The following HELB variants were observed in gnomAD, a reference collection of about 807,000 sequenced individuals.
HELB encodes DNA 5'-3' helicase B.
Under a neutral mutation model 101.7 loss-of-function variants are expected in HELB, and 96 were observed. That is an observed-to-expected ratio of 0.94 (90% CI 0.80 to 1.12). The LOEUF is 1.12. Ranked by LOEUF, HELB falls within the 50% of genes most tolerant of loss-of-function variation. HELB has a pLI of 0.00. For missense variants in HELB, 1,210 were observed against 1,291.9 expected (o/e 0.94, Z 0.97); for synonymous variants, 437 against 459.7 (o/e 0.95, Z 0.63).
At chr12:66,315,143 T>G (rs935709978) in intron 5 of HELB, 99 bp from the exon 6 acceptor site, 45 of 791,834 alleles carry the variant, frequency 5.7e-5, no homozygotes, top group Non-Finnish European at 8.3e-5. Flanking sequence ...TGTTGTTTTT[T>G]GTAAGGTATT....
chr12:66,337,484 C>T (rs536980310), intron 12 of HELB, among the ~76,000 whole-genome samples: 2 of 152,218 alleles, frequency 1.3e-5, no homozygotes, highest in East Asian at 1.9e-4. Flanking sequence ...TTCATCATGA[C>T]GATACTGGCC....
chr12:66,328,337 A>G (rs1795527), intron 11 of HELB, among the ~76,000 whole-genome samples: 76,855 of 151,992 alleles, frequency 0.51, 19,767 homozygotes, highest in East Asian at 0.69. Context: ...TGAGGTGGGC[A>G]GGTCAATTGA....
chr12:66,318,106 A>G (rs2053630418), intron 6 of HELB, among the ~76,000 whole-genome samples: 1 of 152,232 alleles, frequency 6.6e-6, no homozygotes, highest in African/African-American at 2.4e-5. Context: ...CAGAGAAGAA[A>G]GGAGAAGAAT....
At chr12:66,339,199 T>C (rs901391916), downstream of HELB, 8 of 152,336 alleles carry the variant, frequency 5.3e-5, no homozygotes, top group African/African-American at 1.9e-4. Context: ...AATAGCTTTA[T>C]TGAGATATAA....
At chr12:66,338,655 A>T (rs888662763), downstream of HELB, 1 of 152,066 alleles carries the variant, frequency 6.6e-6, no homozygotes. Flanking sequence ...AAAAAAAACA[A>T]ACAAACAAAC....
chr12:66,310,373 C>T lies in HELB; in HGVS notation c.1445C>T (p.Thr482Ile). The change falls in exon 4 of 13, where the codon ACC becomes ATC. Residue 482 changes from threonine (T) to isoleucine (I), a missense_variant. Physicochemically the swap from Thr to Ile is moderately conservative, Grantham distance 89 (BLOSUM62 -1). Transcript: ENST00000247815. ...AGTGGGAAAGGTGGATGTGGGAAGACCACAATCGTTAGCCGTCTTTTTAAG... is the reference window on the plus strand; with the variant it reads ...AGTGGGAAAGGTGGATGTGGGAAGATCACAATCGTTAGCCGTCTTTTTAAG... ...VISGKGGCGKTTIVSRLFKHI... is the reference protein window; with the variant it reads ...VISGKGGCGKITIVSRLFKHI... 6.2e-7 allele frequency: 1 copy of T among 1,614,144 alleles called. No homozygotes were observed. The highest frequency in any genetic ancestry group is 8.5e-7 in the Non-Finnish European group (1 of 1,180,040).
rs771583547 is a variant in HELB, at chr12:66,314,081, G to C, written c.1776G>C (p.Gly592=). 2 of 1,613,844 alleles carry C rather than the reference G, an allele frequency of 1.2e-6. No homozygotes were observed. Among genetic ancestry groups the C allele is most frequent in the Non-Finnish European group, 1.7e-6 (2 of 1,179,754 alleles). The part of the protein sequence containing the change: ...SSVRVLVVDE[G]SLVSVGIFKS... ...TTAGAGTTCTGGTTGTGGATGAAGG[G>C]AGTTTGGTATCTGTAGGAATCTTCA... Residue 592 remains glycine (G), a synonymous_variant, in exon 5 of 13, where the codon GGG becomes GGC. Transcript: ENST00000247815.
In HELB at chr12:66,309,931, C is replaced by G. The variant is rs1477185875; in HGVS notation, c.1003C>G (p.Leu335Val). The G allele has an allele frequency of 1.2e-6, 2 of 1,614,106 alleles. No individual in the cohort carries two copies. The highest frequency in any genetic ancestry group is 1.7e-6 in the Non-Finnish European group (2 of 1,180,038). The change falls in exon 4 of 13, where the codon CTG (leucine) becomes GTG (valine). Residue 335 changes from leucine to valine, a missense_variant. Leu to Val is a conservative substitution (Grantham distance 32, BLOSUM62 1). This residue lies in a region of HELB where 470 missense variants were observed against 563.1 expected (regional missense o/e 0.83). Coordinates refer to ENST00000247815, the MANE Select transcript of HELB (RefSeq NM_001370285.1). ...HMSFHAASES[L>V]KFLKDIGVVT... ...GTCATTTCATGCTGCTTCAGAGTCT[C>G]TGAAGTTTTTGAAGGATATTGGTGT...
Position 66,331,587 on chromosome 12 carries a change from G to C in HELB, c.3104G>C (p.Arg1035Pro). 6.2e-7 allele frequency: 1 copy of C among 1,612,052 alleles called. No homozygotes were observed. Among genetic ancestry groups the C allele is most frequent in the Non-Finnish European group, 8.5e-7 (1 of 1,179,958 alleles). The change falls in exon 12 of 13, where the codon CGA (arginine) becomes CCA (proline). Residue 1035 changes from arginine (R) to proline (P), a missense_variant. Physicochemically the swap from Arg to Pro is moderately radical, Grantham distance 103. Coordinates refer to ENST00000247815, the MANE Select transcript of HELB (RefSeq NM_001370285.1). ...ACAGATGATGATTTACCAAAATCGC[G>C]AGCATCCAAAAGAACCTGTGGTGTG... ...VDTDDDLPKS[R>P]ASKRTCGVND...
chr12:66,323,338 A>G (rs1043720360), intron 9 of HELB, among the ~76,000 whole-genome samples: 1 of 152,090 alleles, frequency 6.6e-6, no homozygotes, highest in African/African-American at 2.4e-5. Context: ...GTAGCCCAAC[A>G]AGAGGCCAGA....
At chr12:66,315,607 G>T (rs867528324) in intron 6 of HELB, among the ~76,000 whole-genome samples, 16 of 152,230 alleles carry the variant, frequency 1.1e-4, no homozygotes, top group African/African-American at 3.4e-4. Context: ...AATGGATGAG[G>T]TTTCCTGATT....
chr12:66,332,034 G>T (rs1375885353), intron 12 of HELB, among the ~76,000 whole-genome samples: 1 of 152,198 alleles, frequency 6.6e-6, no homozygotes, highest in Non-Finnish European at 1.5e-5. Context: ...TGATTGTCAT[G>T]GTGGAGACAG....
intron 5 of HELB, among the ~76,000 whole-genome samples, 191 bp from the exon 6 acceptor site, chr12:66,315,051 G>A (rs1213290374): frequency 6.6e-6 from 1 of 151,138 alleles, no homozygotes; most frequent in Non-Finnish European, 1.5e-5. Context: ...GTTTCCCTGT[G>A]GTTATAGGTA....
rs563033278 is a variant in HELB at position 66,336,088 on chromosome 12, T to G, written c.3163-1913T>G. ...TCACATGGTAATACCTCAAAAATAC[T>G]TAGTGATCAAAATATGAGTCATGAA... On this transcript the variant is annotated intron_variant, in intron 12 of 12. Coordinates refer to ENST00000247815, the MANE Select transcript of HELB (RefSeq NM_001370285.1). 5.9e-5 allele frequency among the ~76,000 whole-genome samples: 9 copies of G among 152,348 alleles called. 1 individual carries two copies. The East Asian group carries it at 1.7e-3, about 29-fold the overall frequency.
At chr12:66,314,300 T>A in intron 5 of HELB, 137 bp downstream of exon 5, 1 of 786,254 alleles carries the variant, frequency 1.3e-6, no homozygotes, top group Non-Finnish European at 2.0e-6. Context: ...TACATGAAAT[T>A]AAATCTGACC....
Position 66,306,435 on chromosome 12 carries a change from T to C in HELB, c.698T>C (p.Ile233Thr), listed in dbSNP as rs1474945297. ...CTGCCTCGACACTTTAAATGGATCA[T>C]AGGGTCAGGTTCTAAAGAGATGTTG... ...VLLPRHFKWIIGSGSKEMLKE... is the reference protein window; with the variant it reads ...VLLPRHFKWITGSGSKEMLKE... Residue 233 changes from isoleucine (I) to threonine (T), a missense_variant, in exon 3 of 13, where the codon ATA becomes ACA. Coordinates refer to ENST00000247815, the MANE Select transcript of HELB (RefSeq NM_001370285.1). 3 of 1,610,340 alleles carry C rather than the reference T, an allele frequency of 1.9e-6. No individual in the cohort carries two copies. The highest frequency in any genetic ancestry group is 2.5e-6 in the Non-Finnish European group (3 of 1,178,192).
chr12:66,329,839 A>G (rs1002998989), intron 11 of HELB, among the ~76,000 whole-genome samples: 1 of 152,226 alleles, frequency 6.6e-6, no homozygotes, highest in African/African-American at 2.4e-5. Context: ...TTCATATTTG[A>G]GAATGTACAA....
At position 66,318,706 on chromosome 12, in the gene HELB, T is replaced by A; in HGVS notation, c.2069T>A (p.Ile690Asn). Reference sequence around the variant, plus strand: ...ATCTCTGATAATCCAACATTACCCATCTCAATTCAAGATAAGACATTTATT... The same window carrying A: ...ATCTCTGATAATCCAACATTACCCAACTCAATTCAAGATAAGACATTTATT... ...LNISDNPTLPISIQDKTFIFV... is the reference protein window; with the variant it reads ...LNISDNPTLPNSIQDKTFIFV... Residue 690 changes from isoleucine (I) to asparagine (N), a missense_variant, in exon 7 of 13, where the codon ATC (isoleucine) becomes AAC (asparagine). Physicochemically the swap from Ile to Asn is moderately radical, Grantham distance 149. Coordinates refer to ENST00000247815, the MANE Select transcript of HELB (RefSeq NM_001370285.1). 6.2e-7 allele frequency: 1 copy of A among 1,610,204 alleles called. No individual in the cohort carries two copies. Among genetic ancestry groups the A allele is most frequent in the Non-Finnish European group, 8.5e-7 (1 of 1,178,894 alleles).
Position 66,331,438 on chromosome 12 carries a change from A to C in HELB, c.2955A>C (p.Pro985=), listed in dbSNP as rs758438455. 3 of 1,614,002 alleles carry C rather than the reference A, an allele frequency of 1.9e-6. No individual in the cohort carries two copies. The highest frequency in any genetic ancestry group is 1.6e-4 in the Middle Eastern group (1 of 6,062). The change falls in exon 12 of 13, where the codon CCA becomes CCC. Residue 985 remains proline, a synonymous_variant. Transcript: ENST00000247815. The stretch of plus-strand genomic sequence containing the variant: ...GACCCAGCACACCGTCAGCATCTCC[A>C]CTCCCTGTAGTCACAGACCACGCCA... ...SGGPSTPSAS[P]LPVVTDHAMT...
Sources: allele counts gnomAD v4.1 joint callset (sites outside exome capture counted in the v4.1 genomes callset), GRCh38; gene constraint gnomAD v4.1.1; regional missense constraint gnomAD v4.1.1; transcripts MANE v1.5; gene names NCBI Gene and HGNC (gene_info 2026-07-23, HGNC 2026-07-21).